Variants in PARP6 observed in about 807,000 individuals in gnomAD.
The protein encoded by PARP6 is poly(ADP-ribose) polymerase family member 6, also known as protein mono-ADP-ribosyltransferase PARP6.
Under a neutral mutation model 92.0 loss-of-function variants are expected in PARP6, and 27 were observed. That is an observed-to-expected ratio of 0.29 (90% CI 0.22 to 0.40). The LOEUF (loss-of-function observed/expected upper bound fraction) is 0.40, where lower values mean the gene tolerates loss of function less well. PARP6 is among the 10% of genes least tolerant of loss of function. PARP6 has a pLI of 1.00. For synonymous variants in PARP6, 272 were observed against 281.2 expected (o/e 0.97, Z 0.33); for missense variants, 501 against 784.5 (o/e 0.64, Z 4.32).
rs1196021246 is a variant in PARP6, at chr15:72,242,803, A to G, written c.1562-104T>C. On this transcript the variant is annotated intron_variant, in intron 20 of 23. Transcript: ENST00000569795. The surrounding 1 kb of genome is among the most constrained non-coding windows in gnomAD (Gnocchi z 4.3). ...GCTCATCAAAACAGCAGAGAATAAA[A>G]CAAAGAAGATTATTTTCCCCCACAG... The G allele has an allele frequency of 4.3e-6, 3 of 699,976 alleles. No homozygotes were observed. The highest frequency in any genetic ancestry group is 5.0e-6 in the Non-Finnish European group (2 of 402,110). 43.4% of individuals were successfully genotyped at this position (699,976 alleles called of 1,614,324 possible). A position where few individuals can be genotyped will look rare whatever the true frequency, so the allele number is the denominator to read the frequency against.
In PARP6 at chr15:72,250,195, G is replaced by A. The variant is rs1334118751; in HGVS notation, c.1419-103C>T. On this transcript the variant is annotated intron_variant, in intron 18 of 23. Coordinates refer to ENST00000569795, the MANE Select transcript of PARP6 (RefSeq NM_001323532.2). ...CATTCTCACCCACACAGGACATGAA[G>A]ATGGACAGGTACACCTAGTGATGGA... is the stretch of plus-strand genomic sequence containing the variant. The A allele has an allele frequency of 1.2e-5, 9 of 750,648 alleles. No homozygotes were observed. In the East Asian group the frequency reaches 2.0e-4, roughly 17 times the overall value. 46.5% of individuals were successfully genotyped at this position (750,648 alleles called of 1,614,324 possible). A position where few individuals can be genotyped will look rare whatever the true frequency, so the allele number is the denominator to read the frequency against.
At position 72,250,771 on chromosome 15, in the gene PARP6, A is replaced by G. The variant is rs763167566; in HGVS notation, c.1418+74T>C. On this transcript the variant is annotated intron_variant, in intron 18 of 23. Transcript: ENST00000569795. ...TGATGGACACATGTAACACAAACTCATATCTCAAGGGCATCCTTCTTGCTC... is the reference window on the plus strand; with the variant it reads ...TGATGGACACATGTAACACAAACTCGTATCTCAAGGGCATCCTTCTTGCTC... 3.7e-4 allele frequency: 291 copies of G among 785,132 alleles called. 1 individual carries two copies. The highest frequency in any genetic ancestry group is 5.5e-4 in the Non-Finnish European group (255 of 462,400). 48.6% of individuals were successfully genotyped at this position (785,132 alleles called of 1,614,324 possible). A position where few individuals can be genotyped will look rare whatever the true frequency, so the allele number is the denominator to read the frequency against.
intron 14 of PARP6, among the ~76,000 whole-genome samples, chr15:72,255,043 T>C (rs898159751): frequency 6.6e-6 from 1 of 152,118 alleles, no homozygotes; most frequent in Non-Finnish European, 1.5e-5. Context: ...ATCCAATCAA[T>C]CGATGACCTA....
intron 20 of PARP6, chr15:72,243,832 A>C (rs1019710743): frequency 6.6e-6 from 1 of 152,218 alleles, no homozygotes; most frequent in Non-Finnish European, 1.5e-5. Flanking sequence ...ATAGGTCATA[A>C]GCACTCTCAC....
intron 20 of PARP6, among the ~76,000 whole-genome samples, chr15:72,246,862 C>T (rs929632885): frequency 2.0e-5 from 3 of 152,060 alleles, no homozygotes; most frequent in Admixed American, 2.0e-4. Context: ...TCAAACGATT[C>T]TCCTGCCTCA....
chr15:72,245,702 C>G (rs752063563), intron 20 of PARP6: 6 of 152,060 alleles, frequency 3.9e-5, no homozygotes, highest in Non-Finnish European at 8.8e-5. Flanking sequence ...AATCAATTAC[C>G]CTTTGAGAGA....
At chr15:72,265,770 G>C (rs1362667804) in intron 5 of PARP6, 127 bp downstream of exon 5, 4 of 715,294 alleles carry the variant, frequency 5.6e-6, no homozygotes, top group Non-Finnish European at 9.6e-6. Context: ...CATTTATTCT[G>C]AGCATTTTCT....
intron 2 of PARP6, among the ~76,000 whole-genome samples, chr15:72,270,697 A>T (rs913893150): frequency 2.0e-5 from 3 of 152,300 alleles, no homozygotes; most frequent in African/African-American, 7.2e-5. Flanking sequence ...CTCAAAGGCC[A>T]CCTTGACCAT....
chr15:72,256,713 T>C lies in PARP6; in HGVS notation c.1000-123A>G, dbSNP rs561059501. ...GCAAATATGTTTAAGGCTTTCAAAA[T>C]AGAAAATACAAGCTCATAAAAATTC... On this transcript the variant is annotated intron_variant, in intron 13 of 23. Coordinates refer to ENST00000569795, the MANE Select transcript of PARP6 (RefSeq NM_001323532.2). The C allele has an allele frequency of 3.7e-3, 2,820 of 764,934 alleles. 6 individuals are homozygous for C. The highest frequency in any genetic ancestry group is 4.9e-3 in the Non-Finnish European group (2,641 of 541,932). 47.4% of individuals were successfully genotyped at this position (764,934 alleles called of 1,614,324 possible). A position where few individuals can be genotyped will look rare whatever the true frequency, so the allele number is the denominator to read the frequency against.
At chr15:72,268,570 C>A (rs1416139948) in intron 2 of PARP6, among the ~76,000 whole-genome samples, 3 of 152,158 alleles carry the variant, frequency 2.0e-5, no homozygotes, top group African/African-American at 7.2e-5. Flanking sequence ...TGGTGGCGTG[C>A]GCTTACGATC....
At chr15:72,246,147 ATTGTT>A (rs777123302) in intron 20 of PARP6, among the ~76,000 whole-genome samples, 22 of 152,128 alleles carry the variant, frequency 1.4e-4, no homozygotes, top group African/African-American at 3.9e-4. Flanking sequence ...ATAACACATT[ATTGTT>A]TTGTTTTGTT....
intron 16 of PARP6, 37 bp from the exon 17 acceptor site, chr15:72,251,292 A>G: frequency 7.4e-7 from 1 of 1,356,840 alleles, no homozygotes; most frequent in Non-Finnish European, 1.0e-6. Context: ...AGGATAGAAT[A>G]ATTATGTATT....
At chr15:72,253,054 C>T (rs1436725955) in intron 16 of PARP6, among the ~76,000 whole-genome samples, 1 of 151,634 alleles carries the variant, frequency 6.6e-6, no homozygotes, top group Non-Finnish European at 1.5e-5. Context: ...TGGCACATGC[C>T]TGTGGTCCCA....
Position 72,253,513 on chromosome 15 carries a change from C to T in PARP6, c.1192-9G>A. ...ATTTCCAAATATGAGCCCTGTAAGACAATGGCCATAACGTTATCTCCTTGG... is the reference window on the plus strand; with the variant it reads ...ATTTCCAAATATGAGCCCTGTAAGATAATGGCCATAACGTTATCTCCTTGG... On this transcript the variant is annotated splice_polypyrimidine_tract_variant and intron_variant, in intron 15 of 23. Coordinates refer to ENST00000569795, the MANE Select transcript of PARP6 (RefSeq NM_001323532.2). 2 of 1,611,948 alleles carry T rather than the reference C, an allele frequency of 1.2e-6. No homozygotes were observed. The highest frequency in any genetic ancestry group is 1.7e-6 in the Non-Finnish European group (2 of 1,178,162).
chr15:72,269,394 C>T (rs1436738501), intron 2 of PARP6, among the ~76,000 whole-genome samples: 1 of 151,990 alleles, frequency 6.6e-6, no homozygotes, highest in Non-Finnish European at 1.5e-5. Flanking sequence ...CTCCTGACCT[C>T]AGGTGATCCA....
rs376150072 is a variant in PARP6 at position 72,259,665 on chromosome 15, G to C, written c.757-4C>G. On this transcript the variant is annotated splice_region_variant and splice_polypyrimidine_tract_variant and intron_variant, in intron 10 of 23. Transcript: ENST00000569795. ...TGTTCTTGCAGTGACCACTGACCTG[G>C]TGAGAGTAAAAAGACAGACCCCGTG... 9 of 1,613,726 alleles carry C rather than the reference G, an allele frequency of 5.6e-6. No homozygotes were observed. The African/African-American group carries it at 1.1e-4, about 19-fold the overall frequency.
At position 72,260,661 on chromosome 15, in the gene PARP6, G is replaced by A; in HGVS notation, c.573C>T (p.Asp191=). The A allele has an allele frequency of 1.2e-6, 2 of 1,613,964 alleles. No homozygotes were observed. The highest frequency in any genetic ancestry group is 8.5e-7 in the Non-Finnish European group (1 of 1,179,826). ...PKSPSFPIIQ[D]SMLKGKLGVP... is the part of the protein sequence containing the mutation. ...CACCTAGTTTGCCTTTCAGCATGGA[G>A]TCCTGTATGATAGGGAAACTGGGAG... The change falls in exon 10 of 24, where the codon GAC becomes GAT. Residue 191 remains aspartate, a synonymous_variant. Coordinates refer to ENST00000569795, the MANE Select transcript of PARP6 (RefSeq NM_001323532.2).
chr15:72,267,401 A>G, intron 3 of PARP6, 74 bp downstream of exon 3: 1 of 1,522,412 alleles, frequency 6.6e-7, no homozygotes, highest in Admixed American at 1.7e-5. Context: ...AAATACCAAG[A>G]AAGGGTGAGA....
chr15:72,262,508 C>A (rs1015453586), intron 8 of PARP6, among the ~76,000 whole-genome samples: 5 of 152,160 alleles, frequency 3.3e-5, no homozygotes, highest in Non-Finnish European at 7.3e-5. Flanking sequence ...CCAAAGTCAA[C>A]AAAAGATGTC....
Sources: allele counts gnomAD v4.1 joint callset (sites outside exome capture counted in the v4.1 genomes callset), GRCh38; gene constraint gnomAD v4.1.1; non-coding constraint Gnocchi (gnomAD v3.1); transcripts MANE v1.5; gene names NCBI Gene and HGNC (gene_info 2026-07-23, HGNC 2026-07-21).